TUBGCP3: variants seen among roughly 807,000 people sequenced by gnomAD.
The protein encoded by TUBGCP3 is tubulin gamma complex component 3.
Under a neutral mutation model 123.1 loss-of-function variants are expected in TUBGCP3, and 50 were observed. The observed-to-expected ratio is 0.41, with a 90% confidence interval of 0.32 to 0.51. TUBGCP3 has a LOEUF of 0.51. Among genes scored for constraint, TUBGCP3 ranks in the 20% least tolerant of loss-of-function variants. TUBGCP3 has a pLI of 0.36. For missense variants in TUBGCP3, 882 were observed against 1,127.0 expected (o/e 0.78, Z 3.11); for synonymous variants, 405 against 413.9 (o/e 0.98, Z 0.26).
chr13:112,517,619 A>C (rs1876256668), intron 16 of TUBGCP3, among the ~76,000 whole-genome samples: 1 of 152,238 alleles, frequency 6.6e-6, no homozygotes, highest in Non-Finnish European at 1.5e-5. Context: ...AAGGCCGGGC[A>C]CGGTGGCTCA....
At chr13:112,509,617 G>A (rs1190517057) in intron 17 of TUBGCP3, among the ~76,000 whole-genome samples, 2 of 152,128 alleles carry the variant, frequency 1.3e-5, no homozygotes, top group Non-Finnish European at 1.5e-5. Flanking sequence ...CAATGAGTAC[G>A]GAGGACAGTA....
Position 112,579,903 on chromosome 13 carries a change from T to A in TUBGCP3, c.76+8002A>T, listed in dbSNP as rs117153032. On this transcript the variant is annotated intron_variant, in intron 1 of 21. Transcript: ENST00000261965. ...TGTCCATGAATGTTCATAGCAGCAT[T>A]ATCCATAACTGCCAAAAACGGAAGC... Among the ~76,000 whole-genome samples the A allele has an allele frequency of 6.2e-3, 944 of 152,368 alleles. 6 individuals are homozygous for A. The highest frequency in any genetic ancestry group is 0.011 in the South Asian group (55 of 4,832).
At chr13:112,561,988 A>G (rs1880543466) in intron 3 of TUBGCP3, among the ~76,000 whole-genome samples, 1 of 152,194 alleles carries the variant, frequency 6.6e-6, no homozygotes, top group Non-Finnish European at 1.5e-5. Flanking sequence ...AAACCATTTG[A>G]TACGAAGGTG....
rs747730716 is a variant in TUBGCP3, at chr13:112,547,506, G to A, written c.1168+114C>T. The A allele has an allele frequency of 2.3e-5, 30 of 1,330,592 alleles. No homozygotes were observed. In the East Asian group the frequency reaches 5.5e-4, roughly 24 times the overall value. 82.4% of individuals were successfully genotyped at this position (1,330,592 alleles called of 1,614,324 possible). A position where few individuals can be genotyped will look rare whatever the true frequency, so the allele number is the denominator to read the frequency against. On this transcript the variant is annotated intron_variant, in intron 10 of 21. Coordinates refer to ENST00000261965, the MANE Select transcript of TUBGCP3 (RefSeq NM_006322.6). ...CTGAAACAAAGCGAGTGCCAGACGCGCGTGGGAAAGACGCGCGTGGGAAAG... is the reference window on the plus strand; with the variant it reads ...CTGAAACAAAGCGAGTGCCAGACGCACGTGGGAAAGACGCGCGTGGGAAAG...
chr13:112,572,737 A>G (rs1594220037), intron 1 of TUBGCP3, among the ~76,000 whole-genome samples: 1 of 152,212 alleles, frequency 6.6e-6, no homozygotes, highest in African/African-American at 2.4e-5. Context: ...TTACAACAGC[A>G]GCATCAAAGA....
chr13:112,552,664 G>C (rs1879678042), intron 8 of TUBGCP3, among the ~76,000 whole-genome samples: 1 of 152,200 alleles, frequency 6.6e-6, no homozygotes, highest in South Asian at 2.1e-4. Context: ...ACCATTACAG[G>C]AGAAGCCCAA....
At chr13:112,504,865 CAA>C in intron 17 of TUBGCP3, 151 bp from the exon 18 acceptor site, 1 of 639,460 alleles carries the variant, frequency 1.6e-6, no homozygotes, top group South Asian at 2.0e-5. Context: ...TCTCCAGAAC[CAA>C]TTTCTGTGCA....
intron 1 of TUBGCP3, among the ~76,000 whole-genome samples, chr13:112,584,895 T>G (rs1444148004): frequency 6.6e-6 from 1 of 152,194 alleles, no homozygotes; most frequent in Non-Finnish European, 1.5e-5. Flanking sequence ...GGAGACAGGA[T>G]TTGACTATGA....
At chr13:112,573,917 A>G (rs1881608502) in intron 1 of TUBGCP3, among the ~76,000 whole-genome samples, 1 of 152,236 alleles carries the variant, frequency 6.6e-6, no homozygotes, top group South Asian at 2.1e-4. Context: ...TCTCCATCCT[A>G]GGAAGGAAGT....
In TUBGCP3 at chr13:112,527,445, G is replaced by C; in HGVS notation, c.1375C>G (p.Leu459Val). The C allele has an allele frequency of 6.2e-7, 1 of 1,611,648 alleles. No individual in the cohort carries two copies. Among genetic ancestry groups the C allele is most frequent in the South Asian group, 1.1e-5 (1 of 90,314 alleles). ...CTCAAAGTATACTTGTCGTGCCACA[G>C]TCGATCTGTTTTAACTGTTGGATCT... The part of the protein sequence containing the change: ...ASDPTVKTDR[L>V]WHDKYTLRKS... Residue 459 changes from leucine to valine, a missense_variant, in exon 12 of 22, where the codon CTG becomes GTG. Physicochemically the swap from Leu to Val is conservative, Grantham distance 32. Transcript: ENST00000261965.
intron 14 of TUBGCP3, among the ~76,000 whole-genome samples, chr13:112,521,489 C>G (rs1424079080): frequency 6.6e-6 from 1 of 152,220 alleles, no homozygotes; most frequent in South Asian, 2.1e-4. Flanking sequence ...TCCTCTACCC[C>G]ACACCTGAGA....
At chr13:112,555,742 G>A (rs549209479) in intron 6 of TUBGCP3, among the ~76,000 whole-genome samples, 5 of 152,246 alleles carry the variant, frequency 3.3e-5, no homozygotes, top group South Asian at 2.1e-4. Flanking sequence ...CCAGGGAAAC[G>A]GCAGGATGAA....
chr13:112,510,096 T>G (rs899215666), intron 17 of TUBGCP3, among the ~76,000 whole-genome samples: 25 of 152,192 alleles, frequency 1.6e-4, no homozygotes, highest in African/African-American at 6.0e-4. Context: ...GACGCCACAC[T>G]GGACGGCCGA....
chr13:112,495,154 G>A (rs1880448975), intron 20 of TUBGCP3, among the ~76,000 whole-genome samples: 4 of 152,180 alleles, frequency 2.6e-5, no homozygotes, highest in Admixed American at 2.6e-4. Flanking sequence ...ATGTCCTAGA[G>A]TTTCCCCCCA....
In TUBGCP3 at chr13:112,531,851, C is replaced by T. The variant is rs369253842; in HGVS notation, c.1336-4367G>A. Among the ~76,000 whole-genome samples the T allele has an allele frequency of 1.1e-4, 17 of 152,154 alleles. No individual in the cohort carries two copies. In the South Asian group the frequency reaches 2.3e-3, roughly 20 times the overall value. On this transcript the variant is annotated intron_variant, in intron 11 of 21. Transcript: ENST00000261965. ...CCAAGGTCAGAATATAATTGCGATA[C>T]GCTTTTATTTTACTAAGGCATTTTC...
intron 21 of TUBGCP3, among the ~76,000 whole-genome samples, chr13:112,489,100 CAGGGG>C (rs1473089537): frequency 2.2e-4 from 29 of 134,016 alleles, no homozygotes; most frequent in African/African-American, 7.9e-4. Context: ...CAGTGGAGCA[CAGGGG>C]CCACCCCCAG....
chr13:112,506,938 C>A (rs1022989729), intron 17 of TUBGCP3, among the ~76,000 whole-genome samples: 1 of 152,220 alleles, frequency 6.6e-6, no homozygotes, highest in Admixed American at 6.5e-5. Context: ...TCTTACCCCA[C>A]TGAAGTCACT....
At position 112,508,983 on chromosome 13, in the gene TUBGCP3, C is replaced by T. The variant is rs757584850; in HGVS notation, c.2087-4269G>A. On this transcript the variant is annotated intron_variant, in intron 17 of 21. Transcript: ENST00000261965. The surrounding 1 kb of genome is among the most constrained non-coding windows in gnomAD (Gnocchi z 4.2). ...CAACTGGCTGCCCTGCTAATCACCACGGTCGCGCCCCAGGTTCATTATTCT... is the reference window on the plus strand; with the variant it reads ...CAACTGGCTGCCCTGCTAATCACCATGGTCGCGCCCCAGGTTCATTATTCT... 2.0e-5 allele frequency among the ~76,000 whole-genome samples: 3 copies of T among 152,238 alleles called. No homozygotes were observed. Among genetic ancestry groups the T allele is most frequent in the African/African-American group, 7.2e-5 (3 of 41,456 alleles).
chr13:112,495,995 CAA>C (rs1880504325), intron 20 of TUBGCP3, among the ~76,000 whole-genome samples: 1 of 151,794 alleles, frequency 6.6e-6, no homozygotes, highest in African/African-American at 2.4e-5. Flanking sequence ...AAAAAAACTG[CAA>C]AAAAAGTAAA....
Sources: allele counts gnomAD v4.1 joint callset (sites outside exome capture counted in the v4.1 genomes callset), GRCh38; gene constraint gnomAD v4.1.1; non-coding constraint Gnocchi (gnomAD v3.1); transcripts MANE v1.5; gene names NCBI Gene and HGNC (gene_info 2026-07-23, HGNC 2026-07-21).